The following DNAJB1 variants were observed in gnomAD, a reference collection of about 807,000 sequenced individuals.
DNAJB1 encodes DnaJ heat shock protein family (Hsp40) member B1.
In DNAJB1, 14 loss-of-function variants were observed where a neutral mutation model predicts 24.0. That is an observed-to-expected ratio of 0.58 (90% confidence interval 0.39 to 0.91). DNAJB1 has a LOEUF of 0.91. Among genes scored for constraint, DNAJB1 ranks in the 40% least tolerant of loss-of-function variants. The probability of loss-of-function intolerance (pLI) is 0.00; values close to 1 mark genes in which losing one functional copy is unlikely to be tolerated. For synonymous variants in DNAJB1, 262 were observed against 174.4 expected (o/e 1.50, Z -3.96); for missense variants, 517 against 458.1 (o/e 1.13, Z -1.17).
chr19:14,555,438 CTTTTTTTTTTTTTT>C (rs747503834), intron 1 of DNAJB1, among the ~76,000 whole-genome samples: 2 of 92,882 alleles, frequency 2.2e-5, no homozygotes, highest in Admixed American at 1.1e-4. Context: ...TTTATTTATT[CTTTTTTTTTTTTTT>C]TTTTTTTTTT....
At chr19:14,529,792 T>C (rs1480910607), upstream of DNAJB1, 3 of 1,596,886 alleles carry the variant, frequency 1.9e-6, no homozygotes, top group African/African-American at 4.0e-5. Flanking sequence ...GGACCCCACT[T>C]TCTGGTCCTG....
At chr19:14,542,531 T>C (rs1293800278) in intron 1 of DNAJB1, among the ~76,000 whole-genome samples, 1 of 151,734 alleles carries the variant, frequency 6.6e-6, no homozygotes, top group Non-Finnish European at 1.5e-5. Flanking sequence ...CCGGCTAATT[T>C]TTTTATTTTT....
intron 1 of DNAJB1, chr19:14,536,662 C>G (rs946328013): frequency 6.6e-6 from 1 of 152,082 alleles, no homozygotes; most frequent in African/African-American, 2.4e-5. Context: ...ACTCTGTGTT[C>G]AGGGATATCA....
At chr19:14,529,558 G>T (rs751227381), upstream of DNAJB1, 43 of 1,333,350 alleles carry the variant, frequency 3.2e-5, no homozygotes, top group Admixed American at 6.9e-4. Flanking sequence ...GACGGGGCGC[G>T]CGCGGCCTGG....
upstream of DNAJB1, chr19:14,529,772 C>A (rs1373098514): frequency 6.2e-6 from 10 of 1,608,802 alleles, no homozygotes; most frequent in Middle Eastern, 5.0e-4. Flanking sequence ...TCCTTCTTTG[C>A]GGGACCACGG....
chr19:14,537,273 G>A (rs2072936841), intron 1 of DNAJB1, among the ~76,000 whole-genome samples: 1 of 141,070 alleles, frequency 7.1e-6, no homozygotes, highest in East Asian at 2.1e-4. Flanking sequence ...GGACCAGGGA[G>A]GGGGAGGCGG....
chr19:14,528,688 C>T (rs1018091290), intron 1 of DNAJB1, among the ~76,000 whole-genome samples: 2 of 151,880 alleles, frequency 1.3e-5, no homozygotes, highest in Admixed American at 6.6e-5. Context: ...GCCTGTAATC[C>T]TAGCACTTTG....
At chr19:14,518,638 G>A (rs1009926883), upstream of DNAJB1, among the ~76,000 whole-genome samples, 1 of 152,070 alleles carries the variant, frequency 6.6e-6, no homozygotes, top group African/African-American at 2.4e-5. Context: ...ACAGGTCGGA[G>A]GAGGCCCCGC....
At chr19:14,550,948 A>G (rs2073478194), upstream of DNAJB1, among the ~76,000 whole-genome samples, 1 of 152,014 alleles carries the variant, frequency 6.6e-6, no homozygotes, top group Non-Finnish European at 1.5e-5. Flanking sequence ...CTGGGATTAC[A>G]GGCATGAACT....
At chr19:14,560,242 C>G (rs898088189) in exon 1 of DNAJB1, among the ~76,000 whole-genome samples, 8 of 152,156 alleles carry the variant, frequency 5.3e-5, no homozygotes, top group African/African-American at 9.6e-5. Context: ...ACGATTTCAC[C>G]CCTCCCACTA....
Position 14,516,036 on chromosome 19 carries a change from C to T in DNAJB1, c.927G>A (p.Glu309=). Reference sequence around the variant, plus strand: ...ACTCAATAATGAGGTCCCCACGTTTCTCGGGTGTTTTGGGGAGGGGGAGGC... The same window carrying T: ...ACTCAATAATGAGGTCCCCACGTTTTTCGGGTGTTTTGGGGAGGGGGAGGC... ...GEGLPLPKTP[E]KRGDLIIEFE... is the part of the protein sequence containing the mutation. Residue 309 remains glutamate (E), a synonymous_variant, in exon 3 of 3, where the codon GAG becomes GAA. Transcript: ENST00000254322. The T allele has an allele frequency of 1.2e-6, 2 of 1,613,112 alleles. No homozygotes were observed. Among genetic ancestry groups the T allele is most frequent in the Non-Finnish European group, 1.7e-6 (2 of 1,179,708 alleles).
At chr19:14,529,660 A>C, upstream of DNAJB1, 2 of 1,613,816 alleles carry the variant, frequency 1.2e-6, no homozygotes, top group South Asian at 2.2e-5. Flanking sequence ...GTTAGGCAGC[A>C]GCAGCCGCGG....
At chr19:14,516,240 C>A in intron 2 of DNAJB1, 70 bp from the exon 3 acceptor site, 1 of 1,537,860 alleles carries the variant, frequency 6.5e-7, no homozygotes, top group Non-Finnish European at 8.9e-7. Context: ...CAGAGGCCGT[C>A]TGCCATAGAT....
intron 1 of DNAJB1, among the ~76,000 whole-genome samples, chr19:14,556,676 C>T (rs770150876): frequency 1.9e-4 from 29 of 152,132 alleles, no homozygotes; most frequent in Non-Finnish European, 3.4e-4. Flanking sequence ...ATGCAGGCTC[C>T]CTGAGCTCTC....
chr19:14,535,392 C>T (rs1472354267), intron 1 of DNAJB1, among the ~76,000 whole-genome samples: 7 of 149,532 alleles, frequency 4.7e-5, no homozygotes, highest in Non-Finnish European at 1.0e-4. Context: ...CCTGTAGTCC[C>T]AGCTACTTGG....
chr19:14,523,614 GTTTTTGTT>G (rs1054987793), intron 2 of DNAJB1, among the ~76,000 whole-genome samples: 2 of 138,404 alleles, frequency 1.4e-5, no homozygotes, highest in African/African-American at 5.6e-5. Flanking sequence ...ACCCGGCCTT[GTTTTTGTT>G]TTTTTTTTTT....
At chr19:14,517,135 T>C (rs2072282111) in intron 1 of DNAJB1, 89 bp from the exon 2 acceptor site, 27 of 1,397,488 alleles carry the variant, frequency 1.9e-5, no homozygotes, top group East Asian at 2.3e-5. Context: ...TTGGAAGCCA[T>C]GGGGGAGGAA....
intron 1 of DNAJB1, among the ~76,000 whole-genome samples, chr19:14,557,794 C>T (rs375963927): frequency 4.3e-4 from 64 of 150,526 alleles, no homozygotes; most frequent in East Asian, 2.8e-3. Context: ...CTTGCTCTGT[C>T]GCCCAGGCTG....
At chr19:14,530,469 C>T (rs1321221229), upstream of DNAJB1, 1 of 152,150 alleles carries the variant, frequency 6.6e-6, no homozygotes, top group East Asian at 1.9e-4. Context: ...AAGTAACTAT[C>T]ATCAAATAAT....
Sources: gnomAD v4.1 joint callset for allele counts (sites outside exome capture counted in the v4.1 genomes callset) on GRCh38, gnomAD v4.1.1 for gene constraint, MANE v1.5 for transcripts, NCBI Gene and HGNC (gene_info 2026-07-23, HGNC 2026-07-21) for gene names.